Variants in ANXA11 observed in about 807,000 individuals in gnomAD.
ANXA11 encodes annexin A11.
ANXA11 carries 57 observed loss-of-function variants against 64.7 expected under a neutral mutation model. That is an observed-to-expected ratio of 0.88 (90% CI 0.71 to 1.10). ANXA11 has a LOEUF of 1.10. Among genes scored for constraint, ANXA11 ranks in the 50% least tolerant of loss-of-function variants. The pLI is 0.00. For synonymous variants in ANXA11, 260 were observed against 265.2 expected (o/e 0.98, Z 0.19); for missense variants, 675 against 670.7 (o/e 1.01, Z -0.07).
At chr10:80,199,501 A>G (rs1192277913) in intron 1 of ANXA11, among the ~76,000 whole-genome samples, 2 of 152,076 alleles carry the variant, frequency 1.3e-5, no homozygotes, top group African/African-American at 4.8e-5. Flanking sequence ...ATTAATAGTA[A>G]AAATAGGCTG....
At chr10:80,198,380 C>G (rs1208401025) in intron 1 of ANXA11, among the ~76,000 whole-genome samples, 3 of 152,184 alleles carry the variant, frequency 2.0e-5, no homozygotes, top group Non-Finnish European at 4.4e-5. Flanking sequence ...TTCCAGACCC[C>G]TAGCAGCTAG....
intron 2 of ANXA11, 127 bp downstream of exon 2, chr10:80,175,980 G>A (rs1201646430): frequency 6.6e-6 from 1 of 152,218 alleles, no homozygotes; most frequent in Non-Finnish European, 1.5e-5. Flanking sequence ...CTGGAACCTG[G>A]GAGGCGGAAG....
At chr10:80,163,677 A>T in intron 9 of ANXA11, 64 bp from the exon 10 acceptor site, 1 of 1,450,770 alleles carries the variant, frequency 6.9e-7, no homozygotes. Context: ...CCATTGCAAA[A>T]CACTATCAAA....
In ANXA11 at chr10:80,169,368, C is replaced by T; in HGVS notation, c.172-10G>A. 10 of 1,602,684 alleles carry T rather than the reference C, an allele frequency of 6.2e-6. No individual in the cohort carries two copies. Among genetic ancestry groups the T allele is most frequent in the Non-Finnish European group, 8.5e-6 (10 of 1,179,680 alleles). ...CAGACATGTTGGCCGCCTGCAAGGA[C>T]ACAAAGCAGAGCCTGAGGCCAATGG... is the stretch of plus-strand genomic sequence containing the variant. On this transcript the variant is annotated splice_polypyrimidine_tract_variant and intron_variant, in intron 4 of 15. Transcript: ENST00000422982.
At chr10:80,175,779 G>A (rs1266451695) in intron 2 of ANXA11, among the ~76,000 whole-genome samples, 1 of 152,188 alleles carries the variant, frequency 6.6e-6, no homozygotes, top group African/African-American at 2.4e-5. Context: ...GATGTCGGCT[G>A]GGCGCAGTGG....
chr10:80,205,580 G>C (rs974634466), upstream of ANXA11: 36 of 152,168 alleles, frequency 2.4e-4, no homozygotes, highest in African/African-American at 6.5e-4. Flanking sequence ...TGCAAGGGAG[G>C]GGCGGGGCCT....
upstream of ANXA11, chr10:80,205,618 A>G (rs1034245772): frequency 2.6e-5 from 4 of 151,782 alleles, no homozygotes; most frequent in African/African-American, 9.7e-5. Flanking sequence ...CAAGATGAGG[A>G]CTGGGCACGG....
Position 80,205,524 on chromosome 10 carries a change from G to C in ANXA11, c.-239C>G, listed in dbSNP as rs867474287. On this transcript the variant is annotated 5_prime_UTR_variant, in exon 1 of 16. Transcript: ENST00000422982. ...CGCGGGCGCAGCAGCCGTCAGCGCC[G>C]GGCGGAAAACTCCGCGGGCGCGGCT... 1 of 151,996 alleles carries C rather than the reference G, an allele frequency of 6.6e-6. No individual in the cohort carries two copies. Among genetic ancestry groups the C allele is most frequent in the Non-Finnish European group, 1.5e-5 (1 of 67,990 alleles). 9.4% of individuals were successfully genotyped at this position (151,996 alleles called of 1,614,324 possible).
chr10:80,165,201 C>T (rs1845675167), intron 8 of ANXA11, among the ~76,000 whole-genome samples: 1 of 152,238 alleles, frequency 6.6e-6, no homozygotes, highest in South Asian at 2.1e-4. Flanking sequence ...GCGGAGACCC[C>T]TCTCCTTTCC....
intron 1 of ANXA11, among the ~76,000 whole-genome samples, chr10:80,194,011 G>A (rs1398067022): frequency 6.6e-6 from 1 of 151,840 alleles, no homozygotes; most frequent in Non-Finnish European, 1.5e-5. Context: ...TAGAGACAGG[G>A]TTTCGCCATG....
At chr10:80,181,049 CT>C (rs896061231) in intron 1 of ANXA11, 2 of 152,232 alleles carry the variant, frequency 1.3e-5, no homozygotes, top group African/African-American at 4.8e-5. Context: ...GCTACTATTG[CT>C]TATAAATTAC....
At chr10:80,156,237 C>T in intron 15 of ANXA11, 1 of 428,144 alleles carries the variant, frequency 2.3e-6, no homozygotes. Flanking sequence ...ATTTATGCTG[C>T]CTTAAATTGG....
chr10:80,194,523 TC>T (rs1014489597), intron 1 of ANXA11, among the ~76,000 whole-genome samples: 3 of 87,178 alleles, frequency 3.4e-5, no homozygotes, highest in African/African-American at 2.1e-4. Context: ...CTAGGAAGAG[TC>T]GGGGGGGGAA....
intron 1 of ANXA11, among the ~76,000 whole-genome samples, chr10:80,194,460 A>T (rs1846901327): frequency 6.6e-6 from 1 of 152,150 alleles, no homozygotes; most frequent in Admixed American, 6.5e-5. Context: ...AGCGAGATAA[A>T]CACAATAGCG....
chr10:80,165,598 G>T (rs1200567220), intron 8 of ANXA11, among the ~76,000 whole-genome samples: 1 of 152,164 alleles, frequency 6.6e-6, no homozygotes, highest in Admixed American at 6.5e-5. Context: ...ACAGAAAAGC[G>T]GGCGCTCAGG....
chr10:80,163,509 C>T, intron 10 of ANXA11, 25 bp downstream of exon 10: 1 of 1,596,228 alleles, frequency 6.3e-7, no homozygotes, highest in African/African-American at 1.3e-5. Context: ...CTTGGGGGCC[C>T]CGAGCCCTGT....
chr10:80,196,299 G>C (rs940426271), intron 1 of ANXA11, among the ~76,000 whole-genome samples: 4 of 152,268 alleles, frequency 2.6e-5, no homozygotes, highest in South Asian at 4.1e-4. Context: ...CTCCCCATGA[G>C]AGCATCAGTG....
chr10:80,169,116 C>A lies in ANXA11; in HGVS notation c.414G>T (p.Gln138His). ...GCCCAGGGTAGGCCCCTGGGGGCTGCTGTCCGGGGGGTGGCATGGGCTGGC... is the reference window on the plus strand; with the variant it reads ...GCCCAGGGTAGGCCCCTGGGGGCTGATGTCCGGGGGGTGGCATGGGCTGGC... Reference protein sequence around the residue: ...VPGQPMPPPGQQPPGAYPGQP... With the variant: ...VPGQPMPPPGHQPPGAYPGQP... Residue 138 changes from glutamine to histidine, a missense_variant, in exon 5 of 16, where the codon CAG becomes CAT. Gln to His is a conservative substitution (Grantham distance 24). Coordinates refer to ENST00000422982, the MANE Select transcript of ANXA11 (RefSeq NM_145868.2). 1 of 1,539,446 alleles carries A rather than the reference C, an allele frequency of 6.5e-7. No individual in the cohort carries two copies. The highest frequency in any genetic ancestry group is 8.7e-7 in the Non-Finnish European group (1 of 1,148,736).
intron 3 of ANXA11, among the ~76,000 whole-genome samples, chr10:80,172,188 A>T (rs1170448423): frequency 3.3e-5 from 5 of 152,132 alleles, no homozygotes; most frequent in Non-Finnish European, 7.4e-5. Context: ...GTGGGGACCA[A>T]ATCTCATTTG....
Sources: gnomAD v4.1 joint callset for allele counts (sites outside exome capture counted in the v4.1 genomes callset) on GRCh38, gnomAD v4.1.1 for gene constraint, MANE v1.5 for transcripts, NCBI Gene and HGNC (gene_info 2026-07-23, HGNC 2026-07-21) for gene names.